The following DEXI variants were observed in gnomAD, a reference collection of about 807,000 sequenced individuals.
DEXI encodes the protein dexamethasone-induced protein.
DEXI carries 2 observed loss-of-function variants against 2.5 expected under a neutral mutation model. That is an observed-to-expected ratio of 0.81 (90% confidence interval 0.33 to 2.55). The LOEUF is 2.55. Among genes scored for constraint, DEXI ranks in the 30% most tolerant of loss-of-function variants. DEXI has a pLI of 0.11. For synonymous variants in DEXI, 71 were observed against 68.7 expected, an observed-to-expected ratio of 1.03 and a Z score of -0.17; for missense variants, 108 against 130.3, an observed-to-expected ratio of 0.83 and a Z score of 0.83.
chr16:10,934,791 C>T lies in DEXI; in HGVS notation c.*150-5232G>A, dbSNP rs1290337457. 1 of 152,204 alleles carries T rather than the reference C, an allele frequency of 6.6e-6. No individual in the cohort carries two copies. The highest frequency in any genetic ancestry group is 1.5e-5 in the Non-Finnish European group (1 of 68,040). The allele number at this position is 152,204 out of a possible 1,614,324, so 9.4% of individuals were successfully genotyped here. On this transcript the variant is annotated intron_variant, in intron 1 of 1. Transcript: ENST00000331808. This position sits in a 1 kb window ranked among gnomAD's most constrained non-coding sequence, Gnocchi z 4.2. ...AAGCCTTACCCTTGAGGGAGTTCCC[C>T]GCCACTCCAAGCTTGGGGCCTGGGA... is the stretch of plus-strand genomic sequence containing the variant.
In DEXI at chr16:10,937,766, G is replaced by T. The variant is rs553124799; in HGVS notation, c.*149+3803C>A. 94 of 152,314 alleles carry T rather than the reference G, an allele frequency of 6.2e-4. No individual in the cohort carries two copies. Among genetic ancestry groups the T allele is most frequent in the African/African-American group, 2.2e-3 (93 of 41,550 alleles). The allele number at this position is 152,314 out of a possible 1,614,324, so 9.4% of individuals were successfully genotyped here. A position where few individuals can be genotyped will look rare whatever the true frequency, so the allele number is the denominator to read the frequency against. On this transcript the variant is annotated intron_variant, in intron 1 of 1. Transcript: ENST00000331808. The surrounding 1 kb of genome is among the most constrained non-coding windows in gnomAD (Gnocchi z 4.2). ...CCAGCCACTGCAGCCCTTTCTCCTG[G>T]GAAGGAGGGAGCTCCCGATTCCCCA...
intron 1 of DEXI, chr16:10,932,054 A>T (rs553767519): frequency 6.6e-6 from 1 of 152,378 alleles, no homozygotes; most frequent in Admixed American, 6.5e-5. Flanking sequence ...CTCAGTCCAT[A>T]GCAGAGAATG....
At position 10,940,021 on chromosome 16, in the gene DEXI, C is replaced by T. The variant is rs2041079952; in HGVS notation, c.*149+1548G>A. The T allele has an allele frequency of 6.6e-6, 1 of 152,258 alleles. No homozygotes were observed. 9.4% of individuals were successfully genotyped at this position (152,258 alleles called of 1,614,324 possible). On this transcript the variant is annotated intron_variant, in intron 1 of 1. Transcript: ENST00000331808. This position sits in a 1 kb window ranked among gnomAD's most constrained non-coding sequence, Gnocchi z 4.2. ...GTGCAGAGCACCTGGCACACACTCCCCCTGGCACTTGGTTCTCGCTAAGAT... is the reference window on the plus strand; with the variant it reads ...GTGCAGAGCACCTGGCACACACTCCTCCTGGCACTTGGTTCTCGCTAAGAT...
intron 1 of DEXI, chr16:10,930,571 G>A (rs920524297): frequency 6.6e-6 from 1 of 152,248 alleles, no homozygotes; most frequent in Non-Finnish European, 1.5e-5. Context: ...GAGGTTCAGA[G>A]AAGCCAAGTA....
In DEXI at chr16:10,941,633, C is replaced by A; in HGVS notation, c.*85G>T. On this transcript the variant is annotated 3_prime_UTR_variant, in exon 1 of 2. Transcript: ENST00000331808. This position sits in a 1 kb window ranked among gnomAD's most constrained non-coding sequence, Gnocchi z 6.4. ...ATCCCCGTCCAGATGGTGCCCCCAA[C>A]CAGCTGCGGCGGCATGATCTGGGCG... The A allele has an allele frequency of 6.6e-7, 1 of 1,525,172 alleles. No individual in the cohort carries two copies. Among genetic ancestry groups the A allele is most frequent in the Non-Finnish European group, 8.8e-7 (1 of 1,136,836 alleles). 94.5% of individuals were successfully genotyped at this position (1,525,172 alleles called of 1,614,324 possible).
chr16:10,933,355 C>T (rs1354008596), intron 1 of DEXI: 1 of 152,366 alleles, frequency 6.6e-6, no homozygotes, highest in African/African-American at 2.4e-5. Context: ...TTTACGCGCA[C>T]TGGTGGGTGA....
rs569619434 is a variant in DEXI, at chr16:10,941,630, C to A, written c.*88G>T. The A allele has an allele frequency of 1.1e-5, 17 of 1,523,402 alleles. No individual in the cohort carries two copies. The Admixed American group carries it at 2.7e-4, about 25-fold the overall frequency. The allele number at this position is 1,523,402 out of a possible 1,614,324, so 94.4% of individuals were successfully genotyped here. A position where few individuals can be genotyped will look rare whatever the true frequency, so the allele number is the denominator to read the frequency against. On this transcript the variant is annotated 3_prime_UTR_variant, in exon 1 of 2. Coordinates refer to ENST00000331808, the MANE Select transcript of DEXI (RefSeq NM_014015.4). This position sits in a 1 kb window ranked among gnomAD's most constrained non-coding sequence, Gnocchi z 6.4. ...ACCATCCCCGTCCAGATGGTGCCCCCAACCAGCTGCGGCGGCATGATCTGG... is the reference window on the plus strand; with the variant it reads ...ACCATCCCCGTCCAGATGGTGCCCCAAACCAGCTGCGGCGGCATGATCTGG...
In DEXI at chr16:10,929,679, C is replaced by T. The variant is rs1329145806; in HGVS notation, c.*150-120G>A. 2 of 457,422 alleles carry T rather than the reference C, an allele frequency of 4.4e-6. No individual in the cohort carries two copies. Among genetic ancestry groups the T allele is most frequent in the Non-Finnish European group, 5.8e-6 (2 of 347,588 alleles). 28.3% of individuals were successfully genotyped at this position (457,422 alleles called of 1,614,324 possible). A position where few individuals can be genotyped will look rare whatever the true frequency, so the allele number is the denominator to read the frequency against. On this transcript the variant is annotated intron_variant, in intron 1 of 1. Coordinates refer to ENST00000331808, the MANE Select transcript of DEXI (RefSeq NM_014015.4). The surrounding 1 kb of genome is among the most constrained non-coding windows in gnomAD (Gnocchi z 4.3). Reference sequence around the variant, plus strand: ...GCTTGGGGTGGGGCAGGGAAGTCTTCCTCCATCCCTCAAATTTAGGGAACC... The same window carrying T: ...GCTTGGGGTGGGGCAGGGAAGTCTTTCTCCATCCCTCAAATTTAGGGAACC...
At chr16:10,930,572 A>T (rs1349719764) in intron 1 of DEXI, 1 of 152,262 alleles carries the variant, frequency 6.6e-6, no homozygotes, top group Non-Finnish European at 1.5e-5. Context: ...AGGTTCAGAG[A>T]AGCCAAGTAA....
intron 1 of DEXI, chr16:10,936,080 T>C (rs1036389505): frequency 2.6e-5 from 4 of 151,584 alleles, no homozygotes; most frequent in African/African-American, 7.3e-5. Flanking sequence ...AGCCTTGAAC[T>C]CCCGGACTCA....
rs867784792 is a variant in DEXI at position 10,934,613 on chromosome 16, A to C, written c.*150-5054T>G. 2.0e-5 allele frequency: 3 copies of C among 152,274 alleles called. No homozygotes were observed. In the South Asian group the frequency reaches 6.2e-4, roughly 32 times the overall value. 9.4% of individuals were successfully genotyped at this position (152,274 alleles called of 1,614,324 possible). ...ATGGGTATCTGAGATGAGTCATCGA[A>C]CTTCTGCAAGCCTCAGTTTCCTCCC... On this transcript the variant is annotated intron_variant, in intron 1 of 1. Transcript: ENST00000331808. This position sits in a 1 kb window ranked among gnomAD's most constrained non-coding sequence, Gnocchi z 4.2.
rs983055400 is a variant in DEXI at position 10,939,485 on chromosome 16, A to C, written c.*149+2084T>G. ...TTTCCTGGGGCTGTTCTCCAGCCAC[A>C]TGGGCCTCCTTTTGGTTGCGGAAAA... is the stretch of plus-strand genomic sequence containing the variant. On this transcript the variant is annotated intron_variant, in intron 1 of 1. Coordinates refer to ENST00000331808, the MANE Select transcript of DEXI (RefSeq NM_014015.4). The surrounding 1 kb of genome is among the most constrained non-coding windows in gnomAD (Gnocchi z 4.9). 1 of 152,280 alleles carries C rather than the reference A, an allele frequency of 6.6e-6. No individual in the cohort carries two copies. Among genetic ancestry groups the C allele is most frequent in the Non-Finnish European group, 1.5e-5 (1 of 68,112 alleles). 9.4% of individuals were successfully genotyped at this position (152,280 alleles called of 1,614,324 possible).
chr16:10,932,013 G>C (rs959481602), intron 1 of DEXI: 1 of 152,250 alleles, frequency 6.6e-6, no homozygotes, highest in African/African-American at 2.4e-5. Flanking sequence ...TGTTGTATGA[G>C]GTTTGAGGAT....
At position 10,934,173 on chromosome 16, in the gene DEXI, C is replaced by G. The variant is rs1473211480; in HGVS notation, c.*150-4614G>C. ...AGACTCCCTGAGCCCTCTGGAAGGG[C>G]AGCACTTGCCCAGTGCCTCCCTCCA... On this transcript the variant is annotated intron_variant, in intron 1 of 1. Transcript: ENST00000331808. This position sits in a 1 kb window ranked among gnomAD's most constrained non-coding sequence, Gnocchi z 4.2. 6.6e-6 allele frequency: 1 copy of G among 152,268 alleles called. No homozygotes were observed. The highest frequency in any genetic ancestry group is 1.5e-5 in the Non-Finnish European group (1 of 68,058). The allele number at this position is 152,268 out of a possible 1,614,324, so 9.4% of individuals were successfully genotyped here. A position where few individuals can be genotyped will look rare whatever the true frequency, so the allele number is the denominator to read the frequency against.
At chr16:10,930,716 G>A (rs2040749122) in intron 1 of DEXI, 2 of 152,228 alleles carry the variant, frequency 1.3e-5, no homozygotes, top group South Asian at 4.1e-4. Context: ...TAAGTGCCAT[G>A]AGACCTTAGC....
Position 10,929,250 on chromosome 16 carries a change from T to C in DEXI, c.*459A>G, listed in dbSNP as rs2145286725. 1.0e-6 allele frequency: 1 copy of C among 985,892 alleles called. No homozygotes were observed. Among genetic ancestry groups the C allele is most frequent in the Middle Eastern group, 5.2e-4 (1 of 1,914 alleles). 61.1% of individuals were successfully genotyped at this position (985,892 alleles called of 1,614,324 possible). A position where few individuals can be genotyped will look rare whatever the true frequency, so the allele number is the denominator to read the frequency against. The stretch of plus-strand genomic sequence containing the variant: ...GAGCTGGGAGTCGCTTTTGCGTGTG[T>C]CCGCAGTTTGAAGTGTCCTCTCCGA... On this transcript the variant is annotated 3_prime_UTR_variant, in exon 2 of 2. Transcript: ENST00000331808. The surrounding 1 kb of genome is among the most constrained non-coding windows in gnomAD (Gnocchi z 4.3).
rs2041054583 is a variant in DEXI at position 10,938,120 on chromosome 16, T to C, written c.*149+3449A>G. 6.6e-6 allele frequency: 1 copy of C among 152,226 alleles called. No individual in the cohort carries two copies. The highest frequency in any genetic ancestry group is 2.4e-5 in the African/African-American group (1 of 41,448). The allele number at this position is 152,226 out of a possible 1,614,324, so 9.4% of individuals were successfully genotyped here. ...GTTAATATTAATACATCTCTTACTATATACAAGGAGATCTAAGTGCTTTAT... is the reference window on the plus strand; with the variant it reads ...GTTAATATTAATACATCTCTTACTACATACAAGGAGATCTAAGTGCTTTAT... On this transcript the variant is annotated intron_variant, in intron 1 of 1. Coordinates refer to ENST00000331808, the MANE Select transcript of DEXI (RefSeq NM_014015.4). This position sits in a 1 kb window ranked among gnomAD's most constrained non-coding sequence, Gnocchi z 4.9.
rs780085024 is a variant in DEXI at position 10,941,889 on chromosome 16, C to A, written c.117G>T (p.Leu39=). ...CCATGAGGAAGGCGTAGTACAGGAT[C>A]AGCACATTGACGAAGAACAGGCCCA... ...FYVGLFFVNV[L]ILYYAFLMEY... Residue 39 remains leucine, a synonymous_variant, in exon 1 of 2, where the codon CTG becomes CTT. Coordinates refer to ENST00000331808, the MANE Select transcript of DEXI (RefSeq NM_014015.4). The surrounding 1 kb of genome is among the most constrained non-coding windows in gnomAD (Gnocchi z 6.4). 1 of 1,610,884 alleles carries A rather than the reference C, an allele frequency of 6.2e-7. No individual in the cohort carries two copies. Among genetic ancestry groups the A allele is most frequent in the Non-Finnish European group, 8.5e-7 (1 of 1,179,340 alleles).
intron 1 of DEXI, chr16:10,933,354 A>G (rs550158278): frequency 3.3e-5 from 5 of 152,482 alleles, no homozygotes; most frequent in South Asian, 4.1e-4. Context: ...TTTTACGCGC[A>G]CTGGTGGGTG....
Sources: gnomAD v4.1 joint callset for allele counts on GRCh38, gnomAD v4.1.1 for gene constraint, Gnocchi (gnomAD v3.1) non-coding constraint, MANE v1.5 for transcripts, NCBI Gene and HGNC (gene_info 2026-07-23, HGNC 2026-07-21) for gene names.